Variants in HDAC4 observed in about 807,000 individuals in gnomAD.
HDAC4 encodes histone deacetylase 4, also known as histone deacetylase A.
In HDAC4, 16 loss-of-function variants were observed where a neutral mutation model predicts 135.1. The observed-to-expected ratio is 0.12, with a 90% CI of 0.08 to 0.18. HDAC4 has a LOEUF of 0.18. Among genes scored for constraint, HDAC4 ranks in the 10% least tolerant of loss-of-function variants. The pLI is 1.00. For missense variants in HDAC4, 1,143 were observed against 1,511.8 expected (o/e 0.76, Z 4.05); for synonymous variants, 685 against 653.4 (o/e 1.05, Z -0.74).
At chr2:239,256,426 A>T (rs950566376) in intron 2 of HDAC4, among the ~76,000 whole-genome samples, 1 of 152,236 alleles carries the variant, frequency 6.6e-6, no homozygotes, top group Admixed American at 6.5e-5. Context: ...CATGGGGGAA[A>T]GGACAGGCTG....
In HDAC4 at chr2:239,068,385, G is replaced by A. The variant is rs1377751930; in HGVS notation, c.2869+104C>T. ...GAACCTTGGTCATTAGTAAAAAGGT[G>A]CCCTTCCTTATCTCGTTATTAAAAA... On this transcript the variant is annotated intron_variant, in intron 23 of 26. Coordinates refer to ENST00000543185, the MANE Select transcript of HDAC4 (RefSeq NM_001378414.1). The surrounding 1 kb of genome is among the most constrained non-coding windows in gnomAD (Gnocchi z 4.4). 8 of 835,194 alleles carry A rather than the reference G, an allele frequency of 9.6e-6. No homozygotes were observed. Among genetic ancestry groups the A allele is most frequent in the Admixed American group, 1.8e-5 (1 of 55,418 alleles). 51.7% of individuals were successfully genotyped at this position (835,194 alleles called of 1,614,324 possible).
chr2:239,131,852 C>A (rs1029293076), intron 11 of HDAC4, among the ~76,000 whole-genome samples: 1 of 152,224 alleles, frequency 6.6e-6, no homozygotes, highest in African/African-American at 2.4e-5. Context: ...TTTAACAGCT[C>A]CCCGTGGCTG....
chr2:239,076,634 G>A (rs2034794028), intron 22 of HDAC4, among the ~76,000 whole-genome samples: 1 of 152,156 alleles, frequency 6.6e-6, no homozygotes, highest in Admixed American at 6.5e-5. Context: ...CGTGGGAACT[G>A]GGCTCAGGGC....
At chr2:239,371,120 A>C (rs1042802516) in intron 1 of HDAC4, among the ~76,000 whole-genome samples, 1 of 152,230 alleles carries the variant, frequency 6.6e-6, no homozygotes, top group Non-Finnish European at 1.5e-5. Flanking sequence ...ACCTTTGTCC[A>C]GGCAGGAACC....
intron 2 of HDAC4, among the ~76,000 whole-genome samples, chr2:239,311,112 G>A (rs189114143): frequency 1.3e-5 from 2 of 152,312 alleles, no homozygotes; most frequent in African/African-American, 4.8e-5. Flanking sequence ...AAAGGCCTGT[G>A]AGCTTTTGTG....
chr2:239,073,209 TC>T (rs1405933255), intron 22 of HDAC4, among the ~76,000 whole-genome samples: 1 of 152,170 alleles, frequency 6.6e-6, no homozygotes, highest in Non-Finnish European at 1.5e-5. Context: ...TTCTGAGCAG[TC>T]TGCTTCTGTT....
Position 239,352,540 on chromosome 2 carries a change from C to CTGTCAAAAACCAACAG in HDAC4, c.22+122_22+137dup. The CTGTCAAAAACCAACAG allele has an allele frequency of 1.3e-6, 1 of 783,034 alleles. No individual in the cohort carries two copies. Among genetic ancestry groups the CTGTCAAAAACCAACAG allele is most frequent in the South Asian group, 1.5e-5 (1 of 66,964 alleles). The allele number at this position is 783,034 out of a possible 1,614,324, so 48.5% of individuals were successfully genotyped here. On this transcript the variant is annotated intron_variant, in intron 2 of 26. Coordinates refer to ENST00000543185, the MANE Select transcript of HDAC4 (RefSeq NM_001378414.1). The surrounding 1 kb of genome is among the most constrained non-coding windows in gnomAD (Gnocchi z 4.4). ...TAAACCATCCATTTTGCACTTTGTGCTGTCAAAAACCAACAGTGACCACTA... is the reference window on the plus strand; with the variant it reads ...TAAACCATCCATTTTGCACTTTGTGCTGTCAAAAACCAACAGTGTCAAAAACCAACAGTGACCACTA...
At position 239,133,225 on chromosome 2, in the gene HDAC4, T is replaced by C. The variant is rs2040718740; in HGVS notation, c.1294+1020A>G. Among the ~76,000 whole-genome samples, 3 of 152,056 alleles carry C rather than the reference T, an allele frequency of 2.0e-5. No individual in the cohort carries two copies. In the South Asian group the frequency reaches 6.2e-4, roughly 32 times the overall value. ...AAGAAAACACCAAAATCCACCAGAC[T>C]AGTCAAGCCAGAGGCCCAAGCCCAC... On this transcript the variant is annotated intron_variant, in intron 11 of 26. Coordinates refer to ENST00000543185, the MANE Select transcript of HDAC4 (RefSeq NM_001378414.1).
rs62189543 is a variant in HDAC4, at chr2:239,084,454, C to T, written c.2445-212G>A. 0.2 allele frequency among the ~76,000 whole-genome samples: 27,871 copies of T among 138,600 alleles called. 2,576 individuals are homozygous for T. The highest frequency in any genetic ancestry group is 0.3 in the East Asian group (1,412 of 4,740). 90.9% of individuals were successfully genotyped at this position (138,600 alleles called of 152,430 possible). A position where few individuals can be genotyped will look rare whatever the true frequency, so the allele number is the denominator to read the frequency against. Reference sequence around the variant, plus strand: ...CACCCCACATGCAGACACACTCACACGCGTGCGCGCGCACACACACACACA... The same window carrying T: ...CACCCCACATGCAGACACACTCACATGCGTGCGCGCGCACACACACACACA... On this transcript the variant is annotated intron_variant, in intron 19 of 26. Transcript: ENST00000543185.
At chr2:239,188,826 C>A (rs891817077) in intron 4 of HDAC4, among the ~76,000 whole-genome samples, 1 of 152,238 alleles carries the variant, frequency 6.6e-6, no homozygotes, top group Non-Finnish European at 1.5e-5. Context: ...CTGTGAGCAG[C>A]CCTGTGGATG....
intron 7 of HDAC4, among the ~76,000 whole-genome samples, chr2:239,153,847 C>T (rs1575211387): frequency 6.6e-6 from 1 of 152,198 alleles, no homozygotes; most frequent in East Asian, 1.9e-4. Flanking sequence ...AGCCAACAGC[C>T]ACGGAATCTA....
intron 3 of HDAC4, among the ~76,000 whole-genome samples, chr2:239,196,770 AC>A (rs2045412214): frequency 6.6e-6 from 1 of 151,988 alleles, no homozygotes; most frequent in Admixed American, 6.6e-5. Context: ...TGGGCAGAAG[AC>A]CCCCTTGGAG....
intron 5 of HDAC4, among the ~76,000 whole-genome samples, chr2:239,173,340 G>C (rs1191618153): frequency 1.3e-5 from 2 of 152,174 alleles, no homozygotes; most frequent in Non-Finnish European, 2.9e-5. Context: ...AAAAATGCCA[G>C]TTAGAATTTA....
At chr2:239,325,336 A>G (rs916407433) in intron 2 of HDAC4, among the ~76,000 whole-genome samples, 4 of 152,262 alleles carry the variant, frequency 2.6e-5, no homozygotes, top group African/African-American at 9.6e-5. Context: ...CAGATTATAT[A>G]TCTATAACAT....
chr2:239,382,685 C>A lies in HDAC4; in HGVS notation c.-220+18293G>T, dbSNP rs904702755. Among the ~76,000 whole-genome samples, 4 of 152,196 alleles carry A rather than the reference C, an allele frequency of 2.6e-5. No individual in the cohort carries two copies. The East Asian group carries it at 7.7e-4, about 29-fold the overall frequency. ...TGGGGCCAGGCCAGGAAAAGCCAGCCCACCGTGATGGGAGCTTTCTTTAAC... is the reference window on the plus strand; with the variant it reads ...TGGGGCCAGGCCAGGAAAAGCCAGCACACCGTGATGGGAGCTTTCTTTAAC... On this transcript the variant is annotated intron_variant, in intron 1 of 26. Transcript: ENST00000543185.
intron 2 of HDAC4, among the ~76,000 whole-genome samples, chr2:239,270,580 ATAT>A (rs1384709974): frequency 6.6e-6 from 1 of 152,242 alleles, no homozygotes; most frequent in African/African-American, 2.4e-5. Context: ...CTAATCAGGA[ATAT>A]TATAATGCTT....
intron 24 of HDAC4, among the ~76,000 whole-genome samples, chr2:239,063,326 G>C (rs992001594): frequency 1.3e-5 from 2 of 151,692 alleles, no homozygotes; most frequent in East Asian, 3.9e-4. Context: ...TCAGCCTCCC[G>C]AGTAGCTGGG....
chr2:239,236,520 A>T (rs540848158), intron 3 of HDAC4, 73 bp downstream of exon 3: 182 of 1,231,118 alleles, frequency 1.5e-4, no homozygotes, highest in Non-Finnish European at 1.9e-4. Context: ...CTCCTCCAAT[A>T]AGGCAGAGCG....
chr2:239,089,742 TTAAGAGTATAAA>T, intron 18 of HDAC4: 1 of 410,378 alleles, frequency 2.4e-6, no homozygotes, highest in South Asian at 3.9e-5. Flanking sequence ...TTTTTTTTTT[TTAAGAGTATAAA>T]TTTTTAAGAG....
Sources: allele counts gnomAD v4.1 joint callset (sites outside exome capture counted in the v4.1 genomes callset), GRCh38; gene constraint gnomAD v4.1.1; non-coding constraint Gnocchi (gnomAD v3.1); transcripts MANE v1.5; gene names NCBI Gene and HGNC (gene_info 2026-07-23, HGNC 2026-07-21).